The following MGAT4C variants were observed in gnomAD, a reference collection of about 807,000 sequenced individuals.
MGAT4C encodes the protein MGAT4 family member C.
A neutral mutation model predicts 40.1 loss-of-function variants in MGAT4C; 19 were observed. That is an observed-to-expected ratio of 0.47 (90% confidence interval 0.33 to 0.70). The LOEUF (loss-of-function observed/expected upper bound fraction) is 0.70. Ranked by LOEUF, MGAT4C falls within the 30% of genes least tolerant of loss-of-function variation. The probability of loss-of-function intolerance (pLI) is 0.02; values close to 1 mark genes in which losing one functional copy is unlikely to be tolerated. For synonymous variants in MGAT4C, 181 were observed against 187.1 expected, an observed-to-expected ratio of 0.97 and a Z score of 0.27; for missense variants, 491 against 563.2, an observed-to-expected ratio of 0.87 and a Z score of 1.30.
intron 1 of MGAT4C, among the ~76,000 whole-genome samples, chr12:86,191,788 G>GTGTGTGTGTGTGTGTGTGTGT (rs10526767): frequency 1.5e-5 from 2 of 132,332 alleles, no homozygotes; most frequent in South Asian, 5.3e-4. Flanking sequence ...GTGTGTGTGT[G>GTGTGTGTGTGTGTGTGTGTGT]GTGTTTTCAG....
intron 1 of MGAT4C, among the ~76,000 whole-genome samples, chr12:86,830,898 T>G (rs1460870323): frequency 6.6e-6 from 1 of 151,820 alleles, no homozygotes; most frequent in African/African-American, 2.4e-5. Context: ...ATGGCCTATG[T>G]GGGCATTTAC....
chr12:86,787,767 G>A (rs1010005764), intron 1 of MGAT4C, among the ~76,000 whole-genome samples: 2 of 152,056 alleles, frequency 1.3e-5, no homozygotes, highest in African/African-American at 4.8e-5. Flanking sequence ...TTGTTTTTCA[G>A]GACAGGATGT....
chr12:86,287,244 A>G (rs556174707), intron 4 of MGAT4C, among the ~76,000 whole-genome samples: 1 of 151,984 alleles, frequency 6.6e-6, no homozygotes, highest in South Asian at 2.1e-4. Context: ...TTTTCCCCCA[A>G]TCTCTCCAGA....
At chr12:86,761,520 G>C (rs1951405910) in intron 1 of MGAT4C, among the ~76,000 whole-genome samples, 1 of 152,170 alleles carries the variant, frequency 6.6e-6, no homozygotes, top group South Asian at 2.1e-4. Flanking sequence ...AAACTTAGTT[G>C]CTTAAAACAA....
At chr12:86,672,505 G>T (rs1172642447) in intron 2 of MGAT4C, among the ~76,000 whole-genome samples, 1 of 151,722 alleles carries the variant, frequency 6.6e-6, no homozygotes, top group East Asian at 1.9e-4. Context: ...TTTTTGAAAA[G>T]ATAAACGAAA....
chr12:86,572,588 A>C (rs1444973398), intron 2 of MGAT4C, among the ~76,000 whole-genome samples: 2 of 152,078 alleles, frequency 1.3e-5, no homozygotes. Context: ...GACATACTGA[A>C]CTACTTACTC....
At chr12:86,479,796 C>T (rs1022496739) in intron 2 of MGAT4C, among the ~76,000 whole-genome samples, 1 of 151,592 alleles carries the variant, frequency 6.6e-6, no homozygotes, top group Non-Finnish European at 1.5e-5. Context: ...TAGGATTAAG[C>T]CTCATCAAAA....
intron 3 of MGAT4C, among the ~76,000 whole-genome samples, chr12:86,380,720 T>C (rs1048821189): frequency 3.3e-5 from 5 of 152,178 alleles, no homozygotes; most frequent in Middle Eastern, 3.4e-3. Context: ...AGAGACATAA[T>C]CCATAAAACC....
intron 2 of MGAT4C, among the ~76,000 whole-genome samples, chr12:86,713,253 T>C (rs1950590613): frequency 6.6e-6 from 1 of 152,088 alleles, no homozygotes; most frequent in Non-Finnish European, 1.5e-5. Context: ...GATATAAAGG[T>C]AGCTATGAGA....
intron 2 of MGAT4C, chr12:86,015,710 T>C (rs1889022798): frequency 1.3e-5 from 2 of 152,222 alleles, no homozygotes; most frequent in South Asian, 4.1e-4. Context: ...TCAACTCCAA[T>C]GGTCCCCTCT....
chr12:86,397,620 C>T (rs1010926284), intron 3 of MGAT4C, among the ~76,000 whole-genome samples: 1 of 151,928 alleles, frequency 6.6e-6, no homozygotes, highest in African/African-American at 2.4e-5. Context: ...ATATTAGCTC[C>T]TCATTAAATA....
intron 2 of MGAT4C, among the ~76,000 whole-genome samples, chr12:86,515,313 A>C (rs1592941124): frequency 1.3e-5 from 2 of 152,236 alleles, no homozygotes; most frequent in South Asian, 2.1e-4. Flanking sequence ...AGAAAATGAA[A>C]TGAAAAATCG....
In MGAT4C at chr12:86,133,271, C is replaced by T. The variant is rs531412122; in HGVS notation, c.-56-83548G>A. Among the ~76,000 whole-genome samples, 12 of 152,284 alleles carry T rather than the reference C, an allele frequency of 7.9e-5. No homozygotes were observed. In the East Asian group the frequency reaches 2.1e-3, roughly 27 times the overall value. ...TAATTGTATCTGGGAAGGTTTAGAGCGTAGAGAGTGGGAAACAAATACTTA... is the reference window on the plus strand; with the variant it reads ...TAATTGTATCTGGGAAGGTTTAGAGTGTAGAGAGTGGGAAACAAATACTTA... On this transcript the variant is annotated intron_variant, in intron 1 of 4. Transcript: ENST00000611864.
chr12:86,017,536 T>C (rs1386254708), intron 2 of MGAT4C, among the ~76,000 whole-genome samples: 1 of 152,168 alleles, frequency 6.6e-6, no homozygotes, highest in Non-Finnish European at 1.5e-5. Flanking sequence ...TTTTAACTGC[T>C]ATAAGTAAAC....
intron 2 of MGAT4C, among the ~76,000 whole-genome samples, chr12:86,617,319 T>C (rs375719694): frequency 4.6e-5 from 7 of 152,330 alleles, no homozygotes; most frequent in East Asian, 3.9e-4. Context: ...TGCTTTATCA[T>C]TGCGATCTGC....
intron 2 of MGAT4C, among the ~76,000 whole-genome samples, chr12:86,618,205 G>GAT (rs1962519629): frequency 6.7e-6 from 1 of 148,480 alleles, no homozygotes; most frequent in Non-Finnish European, 1.5e-5. Flanking sequence ...TGAAAAGAAA[G>GAT]AATTCTTATA....
At chr12:86,470,793 C>T (rs1957747144) in intron 2 of MGAT4C, among the ~76,000 whole-genome samples, 1 of 152,020 alleles carries the variant, frequency 6.6e-6, no homozygotes, top group East Asian at 1.9e-4. Flanking sequence ...CATTTTCAAC[C>T]ATATACTAAT....
At chr12:85,990,184 A>G (rs758105990) in intron 2 of MGAT4C, among the ~76,000 whole-genome samples, 1 of 152,134 alleles carries the variant, frequency 6.6e-6, no homozygotes, top group African/African-American at 2.4e-5. Flanking sequence ...CATTTCCTTG[A>G]TATCTACTAC....
At chr12:86,092,435 GC>G (rs1431638451) in intron 1 of MGAT4C, among the ~76,000 whole-genome samples, 3 of 151,804 alleles carry the variant, frequency 2.0e-5, no homozygotes, top group African/African-American at 4.8e-5. Flanking sequence ...TTTATCTGAG[GC>G]CCAGAGGGTT....
Sources: allele counts gnomAD v4.1 joint callset (sites outside exome capture counted in the v4.1 genomes callset), GRCh38; gene constraint gnomAD v4.1.1; transcripts MANE v1.5; gene names NCBI Gene and HGNC (gene_info 2026-07-23, HGNC 2026-07-21).